Variants in FSTL5 observed in about 807,000 individuals in gnomAD.
FSTL5 encodes follistatin-related protein 5.
Under a neutral mutation model 89.1 loss-of-function variants are expected in FSTL5, and 62 were observed. That is an observed-to-expected ratio of 0.70 (90% CI 0.57 to 0.86). FSTL5 has a LOEUF of 0.86. FSTL5 is among the 40% of genes least tolerant of loss of function. The probability of loss-of-function intolerance (pLI) is 0.00; values close to 1 mark genes in which losing one functional copy is unlikely to be tolerated. For missense variants in FSTL5, 1,057 were observed against 1,001.6 expected (o/e 1.06, Z -0.75); for synonymous variants, 383 against 346.2 (o/e 1.11, Z -1.18).
chr4:161,394,032 A>G (rs1000584810), intron 15 of FSTL5, among the ~76,000 whole-genome samples: 2 of 152,192 alleles, frequency 1.3e-5, no homozygotes, highest in Non-Finnish European at 2.9e-5. Context: ...AAGAGTGTGA[A>G]AAACTAAAGT....
intron 2 of FSTL5, among the ~76,000 whole-genome samples, chr4:162,080,118 A>G (rs1730035485): frequency 1.3e-5 from 2 of 151,632 alleles, no homozygotes; most frequent in African/African-American, 4.8e-5. Context: ...TGCCTGGTCT[A>G]TCACATACTG....
chr4:161,814,333 GATTATTCTCCTACA>G (rs1310098788), intron 4 of FSTL5, among the ~76,000 whole-genome samples: 2 of 152,088 alleles, frequency 1.3e-5, no homozygotes, highest in African/African-American at 4.8e-5. Context: ...TTACAGCCAA[GATTATTCTCCTACA>G]ATTCATGGAA....
rs567187066 is a variant in FSTL5 at position 161,802,270 on chromosome 4, G to A, written c.410-26196C>T. Among the ~76,000 whole-genome samples the A allele has an allele frequency of 5.3e-5, 8 of 151,676 alleles. No homozygotes were observed. In the South Asian group the frequency reaches 1.2e-3, roughly 24 times the overall value. On this transcript the variant is annotated intron_variant, in intron 4 of 15. Transcript: ENST00000306100. ...CTATCTCCTATAATAGTTAGTTCTG[G>A]GACTTTGATTATAACCACTCTAAGC...
chr4:161,454,871 A>T, intron 15 of FSTL5, 133 bp downstream of exon 15: 1 of 747,512 alleles, frequency 1.3e-6, no homozygotes, highest in Non-Finnish European at 2.2e-6. Context: ...GTAAGCAGAT[A>T]TGACAAAGCT....
At chr4:161,496,883 T>A (rs1231920727) in intron 12 of FSTL5, among the ~76,000 whole-genome samples, 1 of 151,904 alleles carries the variant, frequency 6.6e-6, no homozygotes, top group Non-Finnish European at 1.5e-5. Flanking sequence ...GAGGTAGTGG[T>A]AGCAGTAGAG....
chr4:162,133,886 A>G (rs1307818236), intron 1 of FSTL5, among the ~76,000 whole-genome samples: 3 of 152,188 alleles, frequency 2.0e-5, no homozygotes, highest in Non-Finnish European at 2.9e-5. Flanking sequence ...TGGATAGCCA[A>G]TGCCAACCAG....
chr4:161,480,916 G>C, intron 13 of FSTL5, 104 bp downstream of exon 13: 1 of 739,128 alleles, frequency 1.4e-6, no homozygotes, highest in South Asian at 2.0e-5. Flanking sequence ...ATCCAAGTAA[G>C]GAAACACATT....
intron 15 of FSTL5, among the ~76,000 whole-genome samples, chr4:161,413,552 A>G (rs1042777528): frequency 3.9e-5 from 6 of 152,332 alleles, no homozygotes; most frequent in Non-Finnish European, 8.8e-5. Flanking sequence ...CTACCGTTTT[A>G]TCCAGCAATC....
At chr4:162,096,669 G>T (rs1275606724) in intron 2 of FSTL5, among the ~76,000 whole-genome samples, 1 of 151,840 alleles carries the variant, frequency 6.6e-6, no homozygotes, top group Non-Finnish European at 1.5e-5. Context: ...AGGAAAGAAA[G>T]AATTCTTGTG....
At chr4:161,879,759 G>A (rs1398149042) in intron 4 of FSTL5, among the ~76,000 whole-genome samples, 1 of 152,128 alleles carries the variant, frequency 6.6e-6, no homozygotes, top group African/African-American at 2.4e-5. Flanking sequence ...GTGAAGGACC[G>A]TCTGAGAACT....
chr4:161,542,583 T>C lies in FSTL5; in HGVS notation c.1126A>G (p.Lys376Glu). 1.3e-6 allele frequency: 2 copies of C among 1,565,728 alleles called. No individual in the cohort carries two copies. The highest frequency in any genetic ancestry group is 1.4e-5 in the African/African-American group (1 of 73,102). The change falls in exon 9 of 16, where the codon AAG becomes GAG. Residue 376 changes from lysine to glutamate, a missense_variant. Lys to Glu is a moderately conservative substitution (Grantham distance 56). This residue lies in a region of FSTL5 where 980 missense variants were observed against 903.2 expected (regional missense o/e 1.08). Transcript: ENST00000306100. ...TTTGGTGTAATATCAATTCCATTCT[T>C]CAACCAGCCAAGCTGAGGCTTTGGT... The part of the protein sequence containing the change: ...GIPKPQLGWL[K>E]NGIDITPKLS...
At chr4:161,480,399 T>G (rs996333459) in intron 13 of FSTL5, among the ~76,000 whole-genome samples, 1 of 152,190 alleles carries the variant, frequency 6.6e-6, no homozygotes. Context: ...AACCCTGTAC[T>G]TCACCTTGGT....
At chr4:161,924,667 T>A (rs1734077411) in intron 3 of FSTL5, among the ~76,000 whole-genome samples, 1 of 151,582 alleles carries the variant, frequency 6.6e-6, no homozygotes, top group Non-Finnish European at 1.5e-5. Flanking sequence ...CAATGTACCA[T>A]GTAATACAAA....
At chr4:161,794,662 A>G (rs76806108) in intron 4 of FSTL5, among the ~76,000 whole-genome samples, 2 of 151,994 alleles carry the variant, frequency 1.3e-5, no homozygotes, top group South Asian at 2.1e-4. Context: ...ATCACATTTT[A>G]TCTCTCTCTC....
intron 6 of FSTL5, among the ~76,000 whole-genome samples, chr4:161,695,520 T>C (rs932750820): frequency 2.6e-5 from 4 of 151,788 alleles, no homozygotes; most frequent in African/African-American, 7.3e-5. Context: ...CACTTGTCGA[T>C]TGATGGGCAC....
At chr4:162,069,994 C>T (rs968627508) in intron 2 of FSTL5, among the ~76,000 whole-genome samples, 9 of 151,844 alleles carry the variant, frequency 5.9e-5, no homozygotes, top group Admixed American at 3.9e-4. Context: ...CACTAGCTTA[C>T]ATTTCCAATG....
intron 4 of FSTL5, among the ~76,000 whole-genome samples, chr4:161,847,769 G>A (rs1300245502): frequency 6.6e-6 from 1 of 151,938 alleles, no homozygotes; most frequent in Admixed American, 6.6e-5. Flanking sequence ...AGGTGCGGTG[G>A]CACACTCCTA....
chr4:161,605,667 C>T (rs1016132166), intron 7 of FSTL5, among the ~76,000 whole-genome samples: 1 of 152,170 alleles, frequency 6.6e-6, no homozygotes, highest in Non-Finnish European at 1.5e-5. Flanking sequence ...GTTGGAGATC[C>T]AACTCTTCCC....
intron 15 of FSTL5, among the ~76,000 whole-genome samples, chr4:161,424,024 C>CTTTTTTTTTTTTTTTTTTTTTTTTTT (rs11287729): frequency 4.0e-5 from 3 of 75,378 alleles, no homozygotes; most frequent in Admixed American, 1.9e-4. Context: ...GCCCATCATT[C>CTTTTTTTTTTTTTTTTTTTTTTTTTT]TTTTTTTTTT....
Sources: gnomAD v4.1 joint callset for allele counts (sites outside exome capture counted in the v4.1 genomes callset) on GRCh38, gnomAD v4.1.1 for gene constraint, gnomAD v4.1.1 regional missense constraint, MANE v1.5 for transcripts, NCBI Gene and HGNC (gene_info 2026-07-23, HGNC 2026-07-21) for gene names.